The following SPRR2G variants were observed in gnomAD, a reference collection of about 807,000 sequenced individuals.
SPRR2G encodes the protein small proline-rich protein 2G.
Under a neutral mutation model 0.7 loss-of-function variants are expected in SPRR2G, and 1 was observed. That is an observed-to-expected ratio of 1.49 (90% CI 0.53 to 7.06). The LOEUF is 7.06. Among genes scored for constraint, SPRR2G ranks in the 30% most tolerant of loss-of-function variants. The probability of loss-of-function intolerance (pLI) is 0.14; values close to 1 mark genes in which losing one functional copy is unlikely to be tolerated. For synonymous variants in SPRR2G, 38 were observed against 33.9 expected (o/e 1.12, Z -0.42); for missense variants, 96 against 88.5 (o/e 1.09, Z -0.34).
chr1:153,155,989 C>T, the SPRR2G span, among the ~76,000 whole-genome samples: 3 of 152,192 alleles, frequency 2.0e-5, no homozygotes, highest in Admixed American at 6.5e-5. Context: ...ATATCCTTTT[C>T]CCTTGAGCTT....
chr1:153,201,365 A>C, the SPRR2G span, among the ~76,000 whole-genome samples: 1 of 152,214 alleles, frequency 6.6e-6, no homozygotes, highest in African/African-American at 2.4e-5. Flanking sequence ...TGAGCAAGAA[A>C]TAGGAGAGGG....
At chr1:153,175,729 G>T in the SPRR2G span, among the ~76,000 whole-genome samples, 1 of 152,162 alleles carries the variant, frequency 6.6e-6, no homozygotes, top group Admixed American at 6.5e-5. Context: ...TAAATTCCAT[G>T]TGTTATTCAC....
the SPRR2G span, among the ~76,000 whole-genome samples, chr1:153,181,084 G>A: frequency 6.6e-6 from 1 of 151,382 alleles, no homozygotes; most frequent in Non-Finnish European, 1.5e-5. Flanking sequence ...TTGGCATTTT[G>A]CAATCTTGGT....
At position 153,149,907 on chromosome 1, in the gene SPRR2G, A is replaced by T. The variant is rs781050647; in HGVS notation, c.204T>A (p.Tyr68Ter). 6.2e-7 allele frequency: 1 copy of T among 1,614,020 alleles called. No individual in the cohort carries two copies. The highest frequency in any genetic ancestry group is 1.1e-5 in the South Asian group (1 of 91,064). The change falls in exon 2 of 2, where the codon TAT (tyrosine) becomes TAA (stop). Residue 68 changes from tyrosine to a stop codon, truncating the protein, a stop_gained. Coordinates refer to ENST00000368748, the MANE Select transcript of SPRR2G (RefSeq NM_001014291.4). LOFTEE classifies it high-confidence loss of function. ...AGTGATGTTACTTGCTCTTGGGTGGATACTTCTGCTGGCAGGGTGGGTATG... is the reference window on the plus strand; with the variant it reads ...AGTGATGTTACTTGCTCTTGGGTGGTTACTTCTGCTGGCAGGGTGGGTATG... ...VQPYPPCQQK[Y>*]PPKSK
At chr1:153,189,506 T>C in the SPRR2G span, among the ~76,000 whole-genome samples, 7 of 152,082 alleles carry the variant, frequency 4.6e-5, no homozygotes, top group Non-Finnish European at 1.0e-4. Flanking sequence ...GAGCTGTCTC[T>C]TTTTTGTTTT....
At chr1:153,155,442 C>G (rs182425056), upstream of SPRR2G, among the ~76,000 whole-genome samples, 174 of 152,312 alleles carry the variant, frequency 1.1e-3, no homozygotes, top group Middle Eastern at 6.8e-3. Flanking sequence ...TGGAATCCAT[C>G]TCTCTCCTTC....
chr1:153,185,871 T>G, the SPRR2G span, among the ~76,000 whole-genome samples: 2 of 152,222 alleles, frequency 1.3e-5, no homozygotes, highest in South Asian at 2.1e-4. Flanking sequence ...ATTTCCCTCT[T>G]TATGCTGCTT....
At chr1:153,151,829 T>C (rs568750834), upstream of SPRR2G, among the ~76,000 whole-genome samples, 3 of 152,262 alleles carry the variant, frequency 2.0e-5, no homozygotes, top group Non-Finnish European at 4.4e-5. Flanking sequence ...ACTTCATGGA[T>C]GTTTTTACCT....
the SPRR2G span, among the ~76,000 whole-genome samples, chr1:153,192,291 T>C: frequency 7.0e-3 from 1,065 of 152,336 alleles, 18 homozygotes; most frequent in African/African-American, 0.023. Context: ...TAAGTGCAAC[T>C]GGCAGGAGTT....
At chr1:153,170,288 G>C in the SPRR2G span, among the ~76,000 whole-genome samples, 4 of 152,120 alleles carry the variant, frequency 2.6e-5, no homozygotes, top group South Asian at 8.3e-4. Context: ...AAAGCTCCTT[G>C]AAAAAATTAC....
At chr1:153,166,362 G>C in the SPRR2G span, among the ~76,000 whole-genome samples, 2 of 152,144 alleles carry the variant, frequency 1.3e-5, no homozygotes, top group African/African-American at 4.8e-5. Flanking sequence ...GTGTTTATGA[G>C]CCTCTCCTAC....
the SPRR2G span, among the ~76,000 whole-genome samples, chr1:153,194,464 G>A: frequency 3.9e-5 from 6 of 152,190 alleles, no homozygotes; most frequent in Non-Finnish European, 4.4e-5. Context: ...TGAGAAGAGG[G>A]TGTTAGCAAC....
At chr1:153,202,471 T>C in the SPRR2G span, among the ~76,000 whole-genome samples, 7 of 152,190 alleles carry the variant, frequency 4.6e-5, no homozygotes, top group African/African-American at 1.4e-4. Flanking sequence ...AAACCTGGTG[T>C]CATCGTATTG....
At chr1:153,181,789 T>C in the SPRR2G span, among the ~76,000 whole-genome samples, 1 of 151,908 alleles carries the variant, frequency 6.6e-6, no homozygotes, top group Non-Finnish European at 1.5e-5. Flanking sequence ...CCATTATATA[T>C]ATATATATAA....
the SPRR2G span, among the ~76,000 whole-genome samples, chr1:153,189,798 G>A: frequency 3.9e-5 from 6 of 152,126 alleles, no homozygotes; most frequent in Admixed American, 2.6e-4. Context: ...GGATGAGTAA[G>A]GAGAAAAAAT....
the SPRR2G span, among the ~76,000 whole-genome samples, chr1:153,157,790 G>A: frequency 1.5e-3 from 232 of 152,044 alleles, 1 homozygote; most frequent in Non-Finnish European, 2.7e-3. Flanking sequence ...CCTGGGACTG[G>A]GTAATTAATA....
the SPRR2G span, among the ~76,000 whole-genome samples, chr1:153,167,677 A>C: frequency 6.6e-6 from 1 of 152,180 alleles, no homozygotes; most frequent in Admixed American, 6.5e-5. Context: ...GATAACTCAG[A>C]AAACATTTAA....
the SPRR2G span, among the ~76,000 whole-genome samples, chr1:153,176,937 G>A: frequency 2.0e-5 from 3 of 152,150 alleles, no homozygotes; most frequent in Non-Finnish European, 4.4e-5. Context: ...AAACCTGTGA[G>A]CGCAAGGGGG....
At chr1:153,153,880 A>G (rs1656523709), upstream of SPRR2G, among the ~76,000 whole-genome samples, 2 of 152,156 alleles carry the variant, frequency 1.3e-5, no homozygotes, top group Non-Finnish European at 2.9e-5. Context: ...GGCAAGAGTG[A>G]GTGTCCTTGC....
Sources: gnomAD v4.1 joint callset for allele counts (sites outside exome capture counted in the v4.1 genomes callset) on GRCh38, gnomAD v4.1.1 for gene constraint, MANE v1.5 for transcripts, NCBI Gene and HGNC (gene_info 2026-07-23, HGNC 2026-07-21) for gene names.